LRCH1: variants seen among roughly 807,000 people sequenced by gnomAD.
The protein encoded by LRCH1 is leucine-rich repeat and calponin homology domain-containing protein 1.
Under a neutral mutation model 94.9 loss-of-function variants are expected in LRCH1, and 23 were observed. The observed-to-expected ratio is 0.24, with a 90% CI of 0.17 to 0.34. The LOEUF is 0.34. Among genes scored for constraint, LRCH1 ranks in the 10% least tolerant of loss-of-function variants. The pLI, the probability that LRCH1 is intolerant of heterozygous loss-of-function variation, is 1.00. For synonymous variants in LRCH1, 364 were observed against 354.9 expected (o/e 1.03, Z -0.29); for missense variants, 790 against 945.9 (o/e 0.84, Z 2.16).
intron 6 of LRCH1, 24 bp from the exon 7 acceptor site, chr13:46,689,108 TC>T (rs1473057608): frequency 1.9e-6 from 3 of 1,564,536 alleles, no homozygotes; most frequent in Non-Finnish European, 2.6e-6. Context: ...TTAAATGAAT[TC>T]AATATTGATG....
At chr13:46,636,905 C>T (rs1594304893) in intron 1 of LRCH1, among the ~76,000 whole-genome samples, 1 of 152,330 alleles carries the variant, frequency 6.6e-6, no homozygotes, top group Non-Finnish European at 1.5e-5. Context: ...AATCTTCACT[C>T]ACTCCTCTTT....
intron 1 of LRCH1, among the ~76,000 whole-genome samples, chr13:46,597,623 C>G (rs1426534831): frequency 6.6e-6 from 1 of 152,092 alleles, no homozygotes; most frequent in Non-Finnish European, 1.5e-5. Context: ...TCCCAAAGTG[C>G]TGGGATTACA....
intron 1 of LRCH1, among the ~76,000 whole-genome samples, chr13:46,648,184 G>T (rs923371653): frequency 6.6e-6 from 1 of 152,144 alleles, no homozygotes; most frequent in African/African-American, 2.4e-5. Flanking sequence ...CAAGGAGCAC[G>T]CAACCTAGGT....
intron 1 of LRCH1, among the ~76,000 whole-genome samples, chr13:46,592,985 C>T (rs569523745): frequency 6.6e-6 from 1 of 152,082 alleles, no homozygotes; most frequent in South Asian, 2.1e-4. Context: ...CAGTCTCCAC[C>T]TGTTCAAATC....
intron 1 of LRCH1, among the ~76,000 whole-genome samples, chr13:46,556,773 A>AG (rs2050070743): frequency 6.6e-6 from 1 of 152,098 alleles, no homozygotes; most frequent in South Asian, 2.1e-4. Context: ...AGCAGAGGGA[A>AG]GGGGTTGAGA....
chr13:46,746,377 T>A (rs1873909838), downstream of LRCH1, among the ~76,000 whole-genome samples: 1 of 152,210 alleles, frequency 6.6e-6, no homozygotes, highest in South Asian at 2.1e-4. Flanking sequence ...TGTCGTTTGC[T>A]GTGGCTCAGA....
At chr13:46,599,806 T>C (rs1215614260) in intron 1 of LRCH1, among the ~76,000 whole-genome samples, 2 of 152,208 alleles carry the variant, frequency 1.3e-5, no homozygotes, top group Admixed American at 1.3e-4. Flanking sequence ...CAGTTCATTT[T>C]TGTTAAATGA....
intron 13 of LRCH1, among the ~76,000 whole-genome samples, chr13:46,707,149 C>T (rs954073858): frequency 6.6e-6 from 1 of 152,170 alleles, no homozygotes; most frequent in African/African-American, 2.4e-5. Context: ...AGTTTAGTTG[C>T]AGATACTGCA....
chr13:46,636,047 T>G (rs2138054432), intron 1 of LRCH1, among the ~76,000 whole-genome samples: 1 of 150,202 alleles, frequency 6.7e-6, no homozygotes, highest in South Asian at 2.1e-4. Context: ...ACATCCAACT[T>G]ACCATGTCAA....
At chr13:46,741,394 G>A (rs145128019) in intron 19 of LRCH1, among the ~76,000 whole-genome samples, 10 of 152,298 alleles carry the variant, frequency 6.6e-5, no homozygotes, top group African/African-American at 1.7e-4. Flanking sequence ...AGAACAGGCC[G>A]TTCCTCCATG....
downstream of LRCH1, among the ~76,000 whole-genome samples, chr13:46,746,002 A>G (rs1426445380): frequency 6.6e-6 from 1 of 152,192 alleles, no homozygotes; most frequent in Non-Finnish European, 1.5e-5. Context: ...CTAGCCATCA[A>G]AAAACTCCAG....
chr13:46,714,727 A>T (rs952770396), intron 15 of LRCH1, among the ~76,000 whole-genome samples: 2 of 152,182 alleles, frequency 1.3e-5, no homozygotes, highest in Non-Finnish European at 2.9e-5. Context: ...TGAATAAAAA[A>T]TAATATAGAT....
rs935735955 is a variant in LRCH1 at position 46,744,649 on chromosome 13, G to T, written c.*2801G>T. On this transcript the variant is annotated 3_prime_UTR_variant, in exon 20 of 20. Coordinates refer to ENST00000389797, the MANE Select transcript of LRCH1 (RefSeq NM_001164211.2). ...TTGTTTGTAAGAAATTAAAACTAGC[G>T]CGTGGTGAGCTGGGTTATCTCTCGA... The T allele has an allele frequency of 1.0e-6, 1 of 985,284 alleles. No individual in the cohort carries two copies. The highest frequency in any genetic ancestry group is 1.7e-5 in the African/African-American group (1 of 57,228). 61.0% of individuals were successfully genotyped at this position (985,284 alleles called of 1,614,324 possible).
intron 1 of LRCH1, among the ~76,000 whole-genome samples, chr13:46,649,783 C>T (rs1435615110): frequency 6.7e-5 from 10 of 150,244 alleles, no homozygotes; most frequent in Admixed American, 6.0e-4. Flanking sequence ...GAGCTGAAAT[C>T]GTGCCACTGC....
At chr13:46,588,543 CTACCTAAATTAATTAAT>C (rs1566160700) in intron 1 of LRCH1, among the ~76,000 whole-genome samples, 1 of 151,142 alleles carries the variant, frequency 6.6e-6, no homozygotes, top group African/African-American at 2.4e-5. Context: ...TGTATATCTA[CTACCTAAATTAATTAAT>C]TAACATGGTG....
chr13:46,678,972 G>A (rs994197373), intron 3 of LRCH1, among the ~76,000 whole-genome samples: 14 of 152,134 alleles, frequency 9.2e-5, no homozygotes, highest in African/African-American at 3.4e-4. Flanking sequence ...TTCAGAGAAA[G>A]ATTTTTAAAA....
chr13:46,693,510 G>A (rs1871019520), intron 8 of LRCH1, among the ~76,000 whole-genome samples: 1 of 152,136 alleles, frequency 6.6e-6, no homozygotes, highest in African/African-American at 2.4e-5. Flanking sequence ...ACATGAGGGT[G>A]GGAAATGTAG....
At position 46,562,433 on chromosome 13, in the gene LRCH1, C is replaced by G. The variant is rs534511948; in HGVS notation, c.307+8730C>G. 7.9e-5 allele frequency among the ~76,000 whole-genome samples: 12 copies of G among 152,262 alleles called. No individual in the cohort carries two copies. In the East Asian group the frequency reaches 1.7e-3, roughly 22 times the overall value. On this transcript the variant is annotated intron_variant, in intron 1 of 19. Transcript: ENST00000389797. The stretch of plus-strand genomic sequence containing the variant: ...GTTGTCTTCCTGGGTCTTCACAGGC[C>G]GTTCCTTTTTATACACAAATCCTTG...
intron 1 of LRCH1, among the ~76,000 whole-genome samples, chr13:46,600,938 G>GTATACAGT: frequency 6.6e-6 from 1 of 152,344 alleles, no homozygotes; most frequent in East Asian, 1.9e-4. Flanking sequence ...CTCTGGTTGT[G>GTATACAGT]TATTCAGTTA....
Sources: gnomAD v4.1 joint callset for allele counts (sites outside exome capture counted in the v4.1 genomes callset) on GRCh38, gnomAD v4.1.1 for gene constraint, MANE v1.5 for transcripts, NCBI Gene and HGNC (gene_info 2026-07-23, HGNC 2026-07-21) for gene names.